KCND2: variants seen among roughly 807,000 people sequenced by gnomAD.
KCND2 encodes the protein A-type voltage-gated potassium channel KCND2.
A neutral mutation model predicts 54.4 loss-of-function variants in KCND2; 16 were observed. That is an observed-to-expected ratio of 0.29 (90% CI 0.20 to 0.45). KCND2 has a LOEUF of 0.45. Ranked by LOEUF, KCND2 falls within the 20% of genes least tolerant of loss-of-function variation. The pLI is 1.00. For missense variants in KCND2, 486 were observed against 824.2 expected (o/e 0.59, Z 5.02); for synonymous variants, 317 against 310.7 (o/e 1.02, Z -0.21).
At chr7:120,639,885 T>C (rs1034033808) in intron 1 of KCND2, among the ~76,000 whole-genome samples, 1 of 152,068 alleles carries the variant, frequency 6.6e-6, no homozygotes, top group East Asian at 1.9e-4. Context: ...GTCACGAATA[T>C]CCCATTGTAC....
intron 1 of KCND2, among the ~76,000 whole-genome samples, chr7:120,568,166 T>C (rs1792321175): frequency 6.6e-6 from 1 of 152,046 alleles, no homozygotes; most frequent in Non-Finnish European, 1.5e-5. Context: ...GCAAATAAAC[T>C]CTCTTCTAAT....
intron 1 of KCND2, among the ~76,000 whole-genome samples, chr7:120,614,889 T>C (rs563721525): frequency 3.0e-4 from 46 of 152,318 alleles, no homozygotes; most frequent in African/African-American, 1.0e-3. Context: ...GAAAACTTAG[T>C]GGAAAAGTTT....
At chr7:120,402,832 G>T (rs552108051) in intron 1 of KCND2, among the ~76,000 whole-genome samples, 1 of 152,260 alleles carries the variant, frequency 6.6e-6, no homozygotes, top group Admixed American at 6.5e-5. Flanking sequence ...GCTTGCAGTA[G>T]ATAAGGTTAA....
At chr7:120,391,023 A>C (rs1801068638) in intron 1 of KCND2, among the ~76,000 whole-genome samples, 2 of 151,938 alleles carry the variant, frequency 1.3e-5, no homozygotes, top group Non-Finnish European at 2.9e-5. Context: ...CTAGGTTTTA[A>C]GCCCCGCATG....
At chr7:120,434,698 C>G (rs1242957539) in intron 1 of KCND2, among the ~76,000 whole-genome samples, 4 of 152,176 alleles carry the variant, frequency 2.6e-5, no homozygotes, top group Non-Finnish European at 5.9e-5. Flanking sequence ...ACTTCCTTGT[C>G]TTTGGACAGT....
chr7:120,514,628 T>C (rs941740448), intron 1 of KCND2, among the ~76,000 whole-genome samples: 1 of 152,158 alleles, frequency 6.6e-6, no homozygotes, highest in African/African-American at 2.4e-5. Context: ...TAAAGTAGTA[T>C]ACTTTTATAG....
chr7:120,433,416 T>C (rs980564820), intron 1 of KCND2, among the ~76,000 whole-genome samples: 1 of 152,214 alleles, frequency 6.6e-6, no homozygotes, highest in African/African-American at 2.4e-5. Flanking sequence ...CACATTGTGT[T>C]TGGTTAAACT....
intron 1 of KCND2, among the ~76,000 whole-genome samples, chr7:120,374,039 C>T (rs1800802646): frequency 6.6e-6 from 1 of 151,632 alleles, no homozygotes; most frequent in Admixed American, 6.6e-5. Context: ...TAAAAAGTTG[C>T]TTTCATAATT....
chr7:120,437,326 C>T (rs113796890), intron 1 of KCND2, among the ~76,000 whole-genome samples: 1,641 of 151,384 alleles, frequency 0.011, 33 homozygotes, highest in African/African-American at 0.037. Context: ...CCTCAGCCTC[C>T]GGAGTAGCTG....
chr7:120,710,865 C>A (rs1792528959), intron 1 of KCND2, among the ~76,000 whole-genome samples: 1 of 152,086 alleles, frequency 6.6e-6, no homozygotes, highest in Admixed American at 6.6e-5. Flanking sequence ...TCACTAAAGC[C>A]AAAGATAATG....
intron 1 of KCND2, among the ~76,000 whole-genome samples, chr7:120,309,460 T>TATATAG (rs1563004432): frequency 3.5e-5 from 4 of 115,360 alleles, no homozygotes; most frequent in Admixed American, 2.7e-4. Context: ...AACATATATA[T>TATATAG]ATATATATAT....
At chr7:120,430,143 G>T (rs1187655562) in intron 1 of KCND2, among the ~76,000 whole-genome samples, 1 of 152,110 alleles carries the variant, frequency 6.6e-6, no homozygotes, top group Admixed American at 6.5e-5. Context: ...AGTTCTGAAG[G>T]CTAGAGATTT....
intron 5 of KCND2, among the ~76,000 whole-genome samples, chr7:120,746,538 T>TATC (rs1292223510): frequency 6.6e-6 from 1 of 152,144 alleles, no homozygotes; most frequent in Non-Finnish European, 1.5e-5. Flanking sequence ...TTTTTGGCCA[T>TATC]ATCAAACACA....
chr7:120,620,556 C>T (rs1293598459), intron 1 of KCND2, among the ~76,000 whole-genome samples: 1 of 152,142 alleles, frequency 6.6e-6, no homozygotes, highest in African/African-American at 2.4e-5. Context: ...TTCTTGGGGA[C>T]ACTGAGTAAA....
chr7:120,680,786 T>C (rs1792129511), intron 1 of KCND2, among the ~76,000 whole-genome samples: 1 of 152,114 alleles, frequency 6.6e-6, no homozygotes, highest in South Asian at 2.1e-4. Flanking sequence ...GAGCACTGCC[T>C]GACACAAAGT....
intron 1 of KCND2, among the ~76,000 whole-genome samples, chr7:120,409,197 T>C (rs563951438): frequency 5.9e-5 from 9 of 152,102 alleles, no homozygotes; most frequent in Admixed American, 4.6e-4. Context: ...GTTGGCTTTA[T>C]AGCATCATCC....
chr7:120,499,018 T>A (rs1802892837), intron 1 of KCND2, among the ~76,000 whole-genome samples: 1 of 152,166 alleles, frequency 6.6e-6, no homozygotes, highest in African/African-American at 2.4e-5. Context: ...ATTTTTCTTC[T>A]GGTCTAGCAT....
intron 1 of KCND2, among the ~76,000 whole-genome samples, chr7:120,588,800 A>G (rs1225958625): frequency 6.6e-6 from 1 of 152,168 alleles, no homozygotes. Context: ...TCCATTGCCT[A>G]ATGTATATTT....
intron 1 of KCND2, among the ~76,000 whole-genome samples, chr7:120,442,801 T>A (rs1801962278): frequency 6.6e-6 from 1 of 152,150 alleles, no homozygotes; most frequent in African/African-American, 2.4e-5. Context: ...TGGCCATCAT[T>A]TCCAGCCCTT....
Sources: gnomAD v4.1 joint callset for allele counts (sites outside exome capture counted in the v4.1 genomes callset) on GRCh38, gnomAD v4.1.1 for gene constraint, MANE v1.5 for transcripts, NCBI Gene and HGNC (gene_info 2026-07-23, HGNC 2026-07-21) for gene names.